The following FNDC7 variants were observed in gnomAD, a reference collection of about 807,000 sequenced individuals.
FNDC7 encodes fibronectin type III domain containing 7.
FNDC7 carries 66 observed loss-of-function variants against 74.2 expected under a neutral mutation model. The ratio of observed to expected loss-of-function variants is 0.89; its 90% CI spans 0.73 to 1.09. The LOEUF is 1.09. Among genes scored for constraint, FNDC7 ranks in the 50% least tolerant of loss-of-function variants. The pLI, the probability that FNDC7 is intolerant of heterozygous loss-of-function variation, is 0.00. For missense variants in FNDC7, 829 were observed against 893.4 expected (o/e 0.93, Z 0.92); for synonymous variants, 307 against 330.2 (o/e 0.93, Z 0.76).
intron 2 of FNDC7, among the ~76,000 whole-genome samples, chr1:108,715,932 C>T (rs1266689919): frequency 6.6e-6 from 1 of 152,116 alleles, no homozygotes; most frequent in Non-Finnish European, 1.5e-5. Context: ...ATTTTCCCAC[C>T]ACACAACCCC....
At chr1:108,733,651 T>TTC (rs1557792773) in intron 10 of FNDC7, 119 bp downstream of exon 10, 1 of 543,860 alleles carries the variant, frequency 1.8e-6, no homozygotes, top group African/African-American at 2.1e-5. Context: ...ATTTCTTTCT[T>TTC]TTTTTTTTTT....
At chr1:108,738,413 C>T (rs943998860) in intron 11 of FNDC7, among the ~76,000 whole-genome samples, 2 of 152,136 alleles carry the variant, frequency 1.3e-5, no homozygotes, top group Non-Finnish European at 2.9e-5. Flanking sequence ...ACCCAGTAAG[C>T]AGTGTATGCT....
At chr1:108,718,198 C>T (rs1383025625) in intron 3 of FNDC7, among the ~76,000 whole-genome samples, 167 bp downstream of exon 3, 1 of 152,170 alleles carries the variant, frequency 6.6e-6, no homozygotes, top group East Asian at 1.9e-4. Context: ...CAGCTATCTG[C>T]GGAGGAGGTG....
At chr1:108,713,406 T>A in intron 1 of FNDC7, 105 bp from the exon 2 acceptor site, 1 of 927,780 alleles carries the variant, frequency 1.1e-6, no homozygotes, top group Non-Finnish European at 1.7e-6. Flanking sequence ...TCACGTTAGA[T>A]GTAAAAATGT....
Position 108,717,970 on chromosome 1 carries a change from C to T in FNDC7, c.276C>T (p.Thr92=). The change falls in exon 3 of 13, where the codon ACC becomes ACT. Residue 92 remains threonine (T), a synonymous_variant. Transcript: ENST00000370017. ...AGGCTGCAACCTGGTATGAAATCAC[C>T]ATCAGATCCATCAGCGCTGCTGGGA... ...GLKAATWYEI[T]IRSISAAGRS... 6.4e-7 allele frequency: 1 copy of T among 1,551,758 alleles called. No individual in the cohort carries two copies. The highest frequency in any genetic ancestry group is 1.2e-5 in the South Asian group (1 of 84,064).
rs1465665074 is a variant in FNDC7, at chr1:108,733,914, T to C, written c.2140+382T>C. 2.6e-5 allele frequency among the ~76,000 whole-genome samples: 4 copies of C among 152,146 alleles called. No homozygotes were observed. The East Asian group carries it at 7.7e-4, about 29-fold the overall frequency. On this transcript the variant is annotated intron_variant, in intron 10 of 12. Transcript: ENST00000370017. ...ATCCTCCTGCCTCAGCCTCCCAAAG[T>C]GCTGGGATTACAGGCATGAACCACT...
chr1:108,733,042 C>G (rs1174899725), intron 9 of FNDC7, among the ~76,000 whole-genome samples: 2 of 151,192 alleles, frequency 1.3e-5, no homozygotes, highest in African/African-American at 4.9e-5. Flanking sequence ...CCAAAGTACT[C>G]AGATTATAGG....
chr1:108,725,896 A>T lies in FNDC7; in HGVS notation c.1003A>T (p.Thr335Ser). ...GGAAGTACACTGCAACACATCTCTC[A>T]CTCAGTGCAACTTCTTATCTGAGTG... Reference protein sequence around the residue: ...GLEVHCNTSLTQCNFLSECGF... With the variant: ...GLEVHCNTSLSQCNFLSECGF... Residue 335 changes from threonine to serine, a missense_variant, in exon 6 of 13, where the codon ACT (threonine) becomes TCT (serine). Transcript: ENST00000370017. 1 of 1,614,096 alleles carries T rather than the reference A, an allele frequency of 6.2e-7. No individual in the cohort carries two copies.
chr1:108,735,026 G>A lies in FNDC7; in HGVS notation c.2140+1494G>A, dbSNP rs1023463786. 4.6e-5 allele frequency among the ~76,000 whole-genome samples: 7 copies of A among 152,090 alleles called. 1 individual carries two copies. The highest frequency in any genetic ancestry group is 2.0e-4 in the Admixed American group (3 of 15,278). On this transcript the variant is annotated intron_variant, in intron 10 of 12. Coordinates refer to ENST00000370017, the MANE Select transcript of FNDC7 (RefSeq NM_001144937.3). ...TTCAAATTTGATACCTCCACCTGGA[G>A]GTGCCCAGGCATTTCAAACCCCTCA...
At position 108,727,808 on chromosome 1, in the gene FNDC7, C is replaced by T; in HGVS notation, c.1112C>T (p.Ala371Val). 1.2e-6 allele frequency: 2 copies of T among 1,614,004 alleles called. No homozygotes were observed. Among genetic ancestry groups the T allele is most frequent in the Non-Finnish European group, 1.7e-6 (2 of 1,179,944 alleles). Residue 371 changes from alanine (A) to valine (V), a missense_variant and splice_region_variant, in exon 7 of 13, where the codon GCT (alanine) becomes GTT (valine). By Grantham distance (64) the Ala-to-Val change is moderately conservative. Coordinates refer to ENST00000370017, the MANE Select transcript of FNDC7 (RefSeq NM_001144937.3). Reference protein sequence around the residue: ...PLGDIFNYTTAPCCPSDINPV... With the variant: ...PLGDIFNYTTVPCCPSDINPV... ...ATTTTCCCTCTGCTCCTGCTTTCAG[C>T]TCCCTGTTGTCCTAGTGACATTAAC...
chr1:108,724,715 C>T (rs1661168278), intron 5 of FNDC7, among the ~76,000 whole-genome samples: 2 of 151,596 alleles, frequency 1.3e-5, no homozygotes, highest in South Asian at 4.2e-4. Flanking sequence ...GATCGCACCA[C>T]TGCACTCCAG....
At chr1:108,719,442 G>A (rs1412246846) in intron 4 of FNDC7, among the ~76,000 whole-genome samples, 6 of 152,248 alleles carry the variant, frequency 3.9e-5, no homozygotes, top group African/African-American at 1.4e-4. Flanking sequence ...CAGATACTGA[G>A]TGAGTGTGTG....
chr1:108,714,632 A>G (rs1169157043), intron 2 of FNDC7, among the ~76,000 whole-genome samples: 1 of 103,892 alleles, frequency 9.6e-6, no homozygotes, highest in Non-Finnish European at 1.9e-5. Context: ...TTTTTGAGAC[A>G]GAGTCTCTGT....
At chr1:108,715,898 G>A (rs1660963501) in intron 2 of FNDC7, among the ~76,000 whole-genome samples, 1 of 152,132 alleles carries the variant, frequency 6.6e-6, no homozygotes, top group Non-Finnish European at 1.5e-5. Flanking sequence ...CAAACCCAGA[G>A]CTCCTGAATC....
At chr1:108,713,273 A>T (rs1201948273) in intron 1 of FNDC7, among the ~76,000 whole-genome samples, 1 of 152,208 alleles carries the variant, frequency 6.6e-6, no homozygotes, top group Admixed American at 6.5e-5. Flanking sequence ...AAAGGGGAAA[A>T]AAATGAAATA....
intron 10 of FNDC7, 137 bp from the exon 11 acceptor site, chr1:108,737,355 TCTC>T: frequency 1.7e-6 from 1 of 603,934 alleles, no homozygotes; most frequent in Non-Finnish European, 2.8e-6. Context: ...GCTAGTAGTA[TCTC>T]CTTCTCTTAT....
chr1:108,714,998 T>C (rs964856351), intron 2 of FNDC7, among the ~76,000 whole-genome samples: 1 of 152,066 alleles, frequency 6.6e-6, no homozygotes, highest in Non-Finnish European at 1.5e-5. Context: ...CAGGCCCCTT[T>C]TTGGTGTTTA....
chr1:108,714,057 T>C (rs1660925255), intron 2 of FNDC7, among the ~76,000 whole-genome samples: 1 of 152,188 alleles, frequency 6.6e-6, no homozygotes, highest in Admixed American at 6.5e-5. Context: ...ATAGTTGATC[T>C]CCATCTTTCT....
chr1:108,719,925 G>A (rs191326589), intron 4 of FNDC7, among the ~76,000 whole-genome samples: 2 of 152,326 alleles, frequency 1.3e-5, no homozygotes, highest in Admixed American at 6.5e-5. Context: ...AACCAGAAAT[G>A]TTCTCTCCAA....
Sources: allele counts gnomAD v4.1 joint callset (sites outside exome capture counted in the v4.1 genomes callset), GRCh38; gene constraint gnomAD v4.1.1; transcripts MANE v1.5; gene names NCBI Gene and HGNC (gene_info 2026-07-23, HGNC 2026-07-21).